MAP2K6: variants seen among roughly 807,000 people sequenced by gnomAD.
MAP2K6 encodes the protein dual specificity mitogen-activated protein kinase kinase 6.
A neutral mutation model predicts 53.7 loss-of-function variants in MAP2K6; 16 were observed. The ratio of observed to expected loss-of-function variants is 0.30; its 90% CI spans 0.20 to 0.45. The LOEUF is 0.45. Among genes scored for constraint, MAP2K6 ranks in the 20% least tolerant of loss-of-function variants. The pLI, the probability that MAP2K6 is intolerant of heterozygous loss-of-function variation, is 1.00. For missense variants in MAP2K6, 204 were observed against 411.9 expected (o/e 0.50, Z 4.37); for synonymous variants, 132 against 143.1 (o/e 0.92, Z 0.55).
intron 1 of MAP2K6, among the ~76,000 whole-genome samples, chr17:69,498,889 G>A (rs551114098): frequency 6.6e-6 from 1 of 152,320 alleles, no homozygotes; most frequent in African/African-American, 2.4e-5. Flanking sequence ...GGAGTGGCAG[G>A]AAAGTAGGGA....
intron 1 of MAP2K6, among the ~76,000 whole-genome samples, chr17:69,492,085 A>T (rs943157342): frequency 5.9e-5 from 9 of 151,832 alleles, no homozygotes; most frequent in Non-Finnish European, 1.0e-4. Flanking sequence ...GTTTGCAAAA[A>T]TTTTTTCCCG....
intron 1 of MAP2K6, among the ~76,000 whole-genome samples, chr17:69,438,084 T>C (rs12451722): frequency 0.36 from 54,104 of 152,188 alleles, 10,569 homozygotes; most frequent in Admixed American, 0.44. Context: ...GGGGAATGTG[T>C]GTTGCTCCTG....
At chr17:69,500,766 GAAAAAA>G (rs1179539038) in intron 1 of MAP2K6, among the ~76,000 whole-genome samples, 1 of 127,024 alleles carries the variant, frequency 7.9e-6, no homozygotes, top group Non-Finnish European at 1.7e-5. Flanking sequence ...AAAAAAAAAA[GAAAAAA>G]AAAAAGAGGT....
chr17:69,493,909 T>G (rs1019935104), intron 1 of MAP2K6, among the ~76,000 whole-genome samples: 6 of 152,252 alleles, frequency 3.9e-5, no homozygotes, highest in African/African-American at 1.2e-4. Context: ...ATTATTTATA[T>G]TTATTCATTT....
intron 1 of MAP2K6, among the ~76,000 whole-genome samples, chr17:69,450,860 A>G (rs552060084): frequency 8.2e-4 from 125 of 152,288 alleles, no homozygotes; most frequent in Non-Finnish European, 1.6e-3. Flanking sequence ...GAAGAGCACT[A>G]TGATAGAAAG....
chr17:69,455,181 A>G (rs1907364187), intron 1 of MAP2K6, among the ~76,000 whole-genome samples: 1 of 152,136 alleles, frequency 6.6e-6, no homozygotes, highest in African/African-American at 2.4e-5. Flanking sequence ...TTAGTGAGGG[A>G]TAATGGAAAG....
At chr17:69,499,728 T>A (rs1909079624) in intron 1 of MAP2K6, among the ~76,000 whole-genome samples, 2 of 152,134 alleles carry the variant, frequency 1.3e-5, no homozygotes, top group Admixed American at 1.3e-4. Flanking sequence ...GATAAACAAG[T>A]AATAAATAAA....
chr17:69,513,582 C>T lies in MAP2K6; in HGVS notation c.84-3273C>T, dbSNP rs1307436432. Among the ~76,000 whole-genome samples the T allele has an allele frequency of 2.6e-5, 4 of 152,114 alleles. No homozygotes were observed. In the East Asian group the frequency reaches 7.7e-4, roughly 29 times the overall value. The stretch of plus-strand genomic sequence containing the variant: ...AAACTTTTTTGTAAAAGGCCGGATA[C>T]TAAATATTTTAGGCTACATGGGCCA... On this transcript the variant is annotated intron_variant, in intron 2 of 11. Transcript: ENST00000590474.
intron 1 of MAP2K6, among the ~76,000 whole-genome samples, chr17:69,492,253 A>C (rs1313247116): frequency 6.6e-6 from 1 of 152,132 alleles, no homozygotes; most frequent in African/African-American, 2.4e-5. Flanking sequence ...GGTAGTGCCT[A>C]GGTTGTCTTC....
chr17:69,535,575 C>T (rs541662662), intron 10 of MAP2K6, among the ~76,000 whole-genome samples: 3 of 152,164 alleles, frequency 2.0e-5, no homozygotes, highest in East Asian at 1.9e-4. Flanking sequence ...GCCTGGGCAA[C>T]AGAGCCAGCC....
At chr17:69,503,540 G>A (rs1022891823) in intron 1 of MAP2K6, among the ~76,000 whole-genome samples, 13 of 152,174 alleles carry the variant, frequency 8.5e-5, no homozygotes, top group African/African-American at 2.9e-4. Context: ...TTATTCTGAA[G>A]GTGGTCCTAA....
In MAP2K6 at chr17:69,543,543, C is replaced by T. The variant is rs571504821; in HGVS notation, c.*1790C>T. On this transcript the variant is annotated 3_prime_UTR_variant, in exon 12 of 12. Transcript: ENST00000590474. ...TATTCTAGCCAGAAAAGGAGTATCA[C>T]CCTAGTGATTATGGCTGTTCACTTT... 3.3e-5 allele frequency: 5 copies of T among 152,246 alleles called. No individual in the cohort carries two copies. The East Asian group carries it at 7.7e-4, about 24-fold the overall frequency. The allele number at this position is 152,246 out of a possible 1,614,324, so 9.4% of individuals were successfully genotyped here.
chr17:69,525,372 G>T (rs1198303801), intron 9 of MAP2K6, among the ~76,000 whole-genome samples: 3 of 152,178 alleles, frequency 2.0e-5, no homozygotes, highest in East Asian at 1.9e-4. Flanking sequence ...AACCCTGATA[G>T]GGCCGTGTTA....
chr17:69,464,462 A>G (rs534861401), intron 1 of MAP2K6, among the ~76,000 whole-genome samples: 6 of 151,886 alleles, frequency 4.0e-5, no homozygotes, highest in African/African-American at 1.4e-4. Flanking sequence ...GCTCACTTCA[A>G]TCTCCACCTC....
chr17:69,434,310 T>G (rs1012324888), intron 1 of MAP2K6: 2 of 152,198 alleles, frequency 1.3e-5, no homozygotes, highest in Admixed American at 1.3e-4. Flanking sequence ...GAGGTCTGAT[T>G]ATACGGTTTT....
In MAP2K6 at chr17:69,551,777, T is replaced by TGCTTACACA. The variant is rs1193796886; in HGVS notation, c.*10025_*10033dup. On this transcript the variant is annotated 3_prime_UTR_variant, in exon 12 of 12. Coordinates refer to ENST00000590474, the MANE Select transcript of MAP2K6 (RefSeq NM_002758.4). ...AGGAAAAGTATTTTTTTGTGTAATT[T>TGCTTACACA]GCTTACACAACTAGGACATACTTCC... 6.6e-6 allele frequency: 1 copy of TGCTTACACA among 152,236 alleles called. No homozygotes were observed. Among genetic ancestry groups the TGCTTACACA allele is most frequent in the Non-Finnish European group, 1.5e-5 (1 of 68,030 alleles). The allele number at this position is 152,236 out of a possible 1,614,324, so 9.4% of individuals were successfully genotyped here. A position where few individuals can be genotyped will look rare whatever the true frequency, so the allele number is the denominator to read the frequency against.
chr17:69,510,346 C>T (rs555591066), intron 2 of MAP2K6, among the ~76,000 whole-genome samples: 10 of 151,938 alleles, frequency 6.6e-5, no homozygotes, highest in Admixed American at 3.3e-4. Flanking sequence ...TTGTTGGATT[C>T]GATTTGCTAA....
chr17:69,469,080 C>G (rs948539510), intron 1 of MAP2K6, among the ~76,000 whole-genome samples: 1 of 152,090 alleles, frequency 6.6e-6, no homozygotes, highest in African/African-American at 2.4e-5. Flanking sequence ...GAGAATAGAC[C>G]CCACTTTCTT....
chr17:69,505,218 G>T (rs891717896), intron 1 of MAP2K6, among the ~76,000 whole-genome samples: 2 of 151,812 alleles, frequency 1.3e-5, no homozygotes, highest in Non-Finnish European at 2.9e-5. Context: ...AAGGTCAGCG[G>T]ATCACCTGAG....
Sources: allele counts gnomAD v4.1 joint callset (sites outside exome capture counted in the v4.1 genomes callset), GRCh38; gene constraint gnomAD v4.1.1; transcripts MANE v1.5; gene names NCBI Gene and HGNC (gene_info 2026-07-23, HGNC 2026-07-21).